The following ZFP36L1 variants were observed in gnomAD, a reference collection of about 807,000 sequenced individuals.
ZFP36L1 encodes the protein ZFP36 like 1 zinc finger CCCH-type.
A neutral mutation model predicts 16.7 loss-of-function variants in ZFP36L1; 4 were observed. The observed-to-expected ratio is 0.24, with a 90% CI of 0.12 to 0.55. ZFP36L1 has a LOEUF of 0.55. Among genes scored for constraint, ZFP36L1 ranks in the 20% least tolerant of loss-of-function variants. The pLI is 0.94. For synonymous variants in ZFP36L1, 220 were observed against 190.8 expected, an observed-to-expected ratio of 1.15 and a Z score of -1.26; for missense variants, 311 against 449.2, an observed-to-expected ratio of 0.69 and a Z score of 2.78.
At position 68,789,589 on chromosome 14, in the gene ZFP36L1, A is replaced by G. The variant is rs139922067; in HGVS notation, c.961T>C (p.Leu321=). The change falls in exon 2 of 2, where the codon TTG becomes CTG. Residue 321 remains leucine, a synonymous_variant. Transcript: ENST00000439696. This position sits in a 1 kb window ranked among gnomAD's most constrained non-coding sequence, Gnocchi z 4.5. Reference sequence around the variant, plus strand: ...ATGGGCAGGCGTCTTGAGTTGTCCAAGGTCGGGGAGTCTGAGCCACTGTGG... The same window carrying G: ...ATGGGCAGGCGTCTTGAGTTGTCCAGGGTCGGGGAGTCTGAGCCACTGTGG... The part of the protein sequence containing the change: ...SSHSGSDSPT[L]DNSRRLPIFS... 1,183 of 1,613,796 alleles carry G rather than the reference A, an allele frequency of 7.3e-4. 4 individuals carry two copies. The highest frequency in any genetic ancestry group is 4.8e-3 in the Middle Eastern group (29 of 6,040).
At chr14:68,793,539 C>T, upstream of ZFP36L1, 1 of 985,960 alleles carries the variant, frequency 1.0e-6, no homozygotes. Context: ...GCGGGCTCGA[C>T]TTTCTCTTTT....
chr14:68,789,819 G>C lies in ZFP36L1; in HGVS notation c.731C>G (p.Pro244Arg), dbSNP rs192307797. Residue 244 changes from proline (P) to arginine (R), a missense_variant, in exon 2 of 2, where the codon CCC becomes CGC. Physicochemically the swap from Pro to Arg is moderately radical, Grantham distance 103 (BLOSUM62 -2). Coordinates refer to ENST00000439696, the MANE Select transcript of ZFP36L1 (RefSeq NM_004926.4). This position sits in a 1 kb window ranked among gnomAD's most constrained non-coding sequence, Gnocchi z 4.5. ...ADDLLGSPTL[P>R]DGTNNPFAFS... ...GGCAAAAGGGTTATTGGTGCCATCGGGCAGGGTAGGTGAGCCCAGGAGGTC... is the reference window on the plus strand; with the variant it reads ...GGCAAAAGGGTTATTGGTGCCATCGCGCAGGGTAGGTGAGCCCAGGAGGTC... The C allele has an allele frequency of 1.4e-5, 23 of 1,612,574 alleles. No individual in the cohort carries two copies. Among genetic ancestry groups the C allele is most frequent in the East Asian group, 2.2e-5 (1 of 44,882 alleles).
upstream of ZFP36L1, chr14:68,793,357 G>T (rs1895161536): frequency 9.9e-7 from 1 of 1,008,752 alleles, no homozygotes; most frequent in African/African-American, 1.7e-5. Context: ...TTTCAAGTCG[G>T]CTGACTTCCC....
At position 68,790,424 on chromosome 14, in the gene ZFP36L1, G is replaced by C. The variant is rs1488444943; in HGVS notation, c.126C>G (p.Gly42=). The change falls in exon 2 of 2, where the codon GGC becomes GGG. Residue 42 remains glycine (G), a synonymous_variant. Coordinates refer to ENST00000439696, the MANE Select transcript of ZFP36L1 (RefSeq NM_004926.4). ...GGCLLDRKAV[G]TPAGGGFPRR... is the part of the protein sequence containing the mutation. ...GAGGGAAGCCCCCACCAGCAGGGGT[G>C]CCCACTGCCTTTCTGTCCAGCAGGC... 1.2e-6 allele frequency: 2 copies of C among 1,613,930 alleles called. No individual in the cohort carries two copies. Among genetic ancestry groups the C allele is most frequent in the African/African-American group, 2.7e-5 (2 of 74,920 alleles).
rs1894970886 is a variant in ZFP36L1, at chr14:68,788,464, A to G, written c.*1069T>C. On this transcript the variant is annotated 3_prime_UTR_variant, in exon 2 of 2. Transcript: ENST00000439696. Reference sequence around the variant, plus strand: ...AAGTTTAAAACCCAGGGAAGAAAGCATGGCGTGAGTGCTCTAAGGATAGAC... The same window carrying G: ...AAGTTTAAAACCCAGGGAAGAAAGCGTGGCGTGAGTGCTCTAAGGATAGAC... The G allele has an allele frequency of 6.5e-6, 1 of 152,792 alleles. No individual in the cohort carries two copies. The highest frequency in any genetic ancestry group is 1.5e-5 in the Non-Finnish European group (1 of 68,038). The allele number at this position is 152,792 out of a possible 1,614,324, so 9.5% of individuals were successfully genotyped here.
In ZFP36L1 at chr14:68,787,878, A is replaced by G. The variant is rs1204202861; in HGVS notation, c.*1655T>C. 1 of 152,616 alleles carries G rather than the reference A, an allele frequency of 6.6e-6. No individual in the cohort carries two copies. The highest frequency in any genetic ancestry group is 2.4e-5 in the African/African-American group (1 of 41,420). The allele number at this position is 152,616 out of a possible 1,614,324, so 9.5% of individuals were successfully genotyped here. On this transcript the variant is annotated 3_prime_UTR_variant, in exon 2 of 2. Coordinates refer to ENST00000439696, the MANE Select transcript of ZFP36L1 (RefSeq NM_004926.4). Reference sequence around the variant, plus strand: ...TCCAGACCTGGAATCCAGAACCTCAAATCTGTGAGTGGAATGTCTTGAGAT... The same window carrying G: ...TCCAGACCTGGAATCCAGAACCTCAGATCTGTGAGTGGAATGTCTTGAGAT...
upstream of ZFP36L1, among the ~76,000 whole-genome samples, chr14:68,795,326 C>T (rs1429287280): frequency 1.4e-5 from 2 of 147,850 alleles, no homozygotes; most frequent in Admixed American, 1.3e-4. Context: ...CCACCCCCCC[C>T]AAAAAAGAGG....
Position 68,789,600 on chromosome 14 carries a change from T to C in ZFP36L1, c.950A>G (p.Asp317Gly). The change falls in exon 2 of 2, where the codon GAC becomes GGC. Residue 317 changes from aspartate to glycine, a missense_variant. Transcript: ENST00000439696. This position sits in a 1 kb window ranked among gnomAD's most constrained non-coding sequence, Gnocchi z 4.5. ...SSSSSSHSGS[D>G]SPTLDNSRRL... ...TCTTGAGTTGTCCAAGGTCGGGGAGTCTGAGCCACTGTGGCTGCTGCTGGA... is the reference window on the plus strand; with the variant it reads ...TCTTGAGTTGTCCAAGGTCGGGGAGCCTGAGCCACTGTGGCTGCTGCTGGA... 6.2e-7 allele frequency: 1 copy of C among 1,613,174 alleles called. No homozygotes were observed. Among genetic ancestry groups the C allele is most frequent in the Non-Finnish European group, 8.5e-7 (1 of 1,179,732 alleles).
chr14:68,793,284 G>A (rs1594718952), upstream of ZFP36L1: 4 of 914,676 alleles, frequency 4.4e-6, no homozygotes, highest in South Asian at 8.5e-5. Context: ...AAAGAAGGCG[G>A]AAAAAAAAAA....
At chr14:68,793,958 C>T (rs1001737645), upstream of ZFP36L1, 3 of 982,704 alleles carry the variant, frequency 3.1e-6, no homozygotes, top group Non-Finnish European at 3.6e-6. Context: ...AGACCACAAC[C>T]CGGGACGATT....
intron 1 of ZFP36L1, among the ~76,000 whole-genome samples, 170 bp downstream of exon 1, chr14:68,792,712 G>A (rs1895129050): frequency 2.6e-5 from 4 of 152,270 alleles, no homozygotes; most frequent in Admixed American, 1.3e-4. Flanking sequence ...TCAAAGGGTG[G>A]GAAGGACGGG....
Position 68,790,467 on chromosome 14 carries a change from G to A in ZFP36L1, c.83C>T (p.Ala28Val), listed in dbSNP as rs765596769. The part of the protein sequence containing the change: ...CKGNKMLNYS[A>V]PSAGGCLLDR... ...CAGCAGGCAACCCCCTGCACTGGGA[G>A]CACTATAGTTGAGCATCTTGTTACC... is the stretch of plus-strand genomic sequence containing the variant. The change falls in exon 2 of 2, where the codon GCT (alanine) becomes GTT (valine). Residue 28 changes from alanine (A) to valine (V), a missense_variant. By Grantham distance (64) the Ala-to-Val change is moderately conservative (BLOSUM62 0). Transcript: ENST00000439696. 1.9e-6 allele frequency: 3 copies of A among 1,614,094 alleles called. No homozygotes were observed. Among genetic ancestry groups the A allele is most frequent in the African/African-American group, 1.3e-5 (1 of 75,044 alleles).
chr14:68,790,887 C>CA, intron 1 of ZFP36L1: 3 of 554,392 alleles, frequency 5.4e-6, no homozygotes, highest in Non-Finnish European at 9.6e-6. Context: ...CCGCCCGCGA[C>CA]AAAAACAGGT....
intron 1 of ZFP36L1, 42 bp downstream of exon 1, chr14:68,792,839 AG>A: frequency 1.2e-6 from 2 of 1,613,310 alleles, no homozygotes; most frequent in East Asian, 4.5e-5. Flanking sequence ...TTAAGGCAAA[AG>A]AAAAAGACTT....
upstream of ZFP36L1, among the ~76,000 whole-genome samples, chr14:68,795,088 AG>A (rs977570941): frequency 6.6e-6 from 1 of 152,054 alleles, no homozygotes; most frequent in African/African-American, 2.4e-5. Flanking sequence ...AAATCATTCA[AG>A]TGTAGGTTTC....
At chr14:68,795,671 C>A (rs544428430), upstream of ZFP36L1, 15 of 420,178 alleles carry the variant, frequency 3.6e-5, no homozygotes, top group South Asian at 2.7e-4. Context: ...CTCCGCAAGG[C>A]TGCGACTGGC....
chr14:68,796,237 C>G, upstream of ZFP36L1: 1 of 1,366,720 alleles, frequency 7.3e-7, no homozygotes. Context: ...CGGTTTTGTG[C>G]AAGGGGGAAA....
upstream of ZFP36L1, chr14:68,794,569 T>C (rs1054184515): frequency 6.6e-6 from 1 of 152,306 alleles, no homozygotes; most frequent in Admixed American, 6.5e-5. Flanking sequence ...CCCTCGCACG[T>C]TTCTTCCCAG....
chr14:68,795,901 C>T, upstream of ZFP36L1: 5 of 909,940 alleles, frequency 5.5e-6, no homozygotes, highest in Non-Finnish European at 8.3e-6. Context: ...AGGGCGGGAG[C>T]CGACCCGCCC....
Sources: allele counts gnomAD v4.1 joint callset (sites outside exome capture counted in the v4.1 genomes callset), GRCh38; gene constraint gnomAD v4.1.1; non-coding constraint Gnocchi (gnomAD v3.1); transcripts MANE v1.5; gene names NCBI Gene and HGNC (gene_info 2026-07-23, HGNC 2026-07-21).